Variants in SCFD2 observed in about 807,000 individuals in gnomAD.
The protein encoded by SCFD2 is sec1 family domain containing 2.
A neutral mutation model predicts 58.9 loss-of-function variants in SCFD2; 54 were observed. The ratio of observed to expected loss-of-function variants is 0.92; its 90% CI spans 0.74 to 1.15. SCFD2 has a LOEUF of 1.15. Ranked by LOEUF, SCFD2 falls within the 50% of genes most tolerant of loss-of-function variation. SCFD2 has a pLI of 0.00. For missense variants in SCFD2, 805 were observed against 836.6 expected (o/e 0.96, Z 0.47); for synonymous variants, 321 against 335.9 (o/e 0.96, Z 0.49).
chr4:53,209,932 A>C (rs1728556085), intron 4 of SCFD2, among the ~76,000 whole-genome samples: 2 of 152,148 alleles, frequency 1.3e-5, no homozygotes, highest in South Asian at 4.1e-4. Context: ...TACACATTGT[A>C]AGTTAAAAAA....
At chr4:53,196,842 C>T (rs1728073718) in intron 4 of SCFD2, among the ~76,000 whole-genome samples, 1 of 151,232 alleles carries the variant, frequency 6.6e-6, no homozygotes, top group Non-Finnish European at 1.5e-5. Flanking sequence ...TTACTCAATG[C>T]AAAAGAATAC....
At chr4:52,932,570 G>A (rs1170982237) in intron 5 of SCFD2, among the ~76,000 whole-genome samples, 1 of 152,170 alleles carries the variant, frequency 6.6e-6, no homozygotes, top group Non-Finnish European at 1.5e-5. Flanking sequence ...GGAAGGCAAG[G>A]TGGTTAATAA....
At position 52,901,263 on chromosome 4, in the gene SCFD2, T is replaced by C. The variant is rs577879022; in HGVS notation, c.1842+6194A>G. Among the ~76,000 whole-genome samples, 4 of 152,294 alleles carry C rather than the reference T, an allele frequency of 2.6e-5. No individual in the cohort carries two copies. In the South Asian group the frequency reaches 8.3e-4, roughly 32 times the overall value. On this transcript the variant is annotated intron_variant, in intron 7 of 8. Coordinates refer to ENST00000401642, the MANE Select transcript of SCFD2 (RefSeq NM_152540.4). ...GCTGGGAGCTGTAGACTGGAGCTGT[T>C]CCTATTTGGCCATCTTGGCTCCACC...
intron 2 of SCFD2, among the ~76,000 whole-genome samples, chr4:53,351,945 TTACA>T (rs1734232456): frequency 6.6e-6 from 1 of 152,194 alleles, no homozygotes. Context: ...ACAGATACAC[TTACA>T]TACTTTTTTC....
chr4:53,016,552 A>C (rs940750222), intron 5 of SCFD2, among the ~76,000 whole-genome samples: 1 of 152,220 alleles, frequency 6.6e-6, no homozygotes, highest in Non-Finnish European at 1.5e-5. Context: ...CCAATGCTTC[A>C]AGATTCTTCT....
intron 8 of SCFD2, among the ~76,000 whole-genome samples, chr4:52,877,424 T>G (rs1718499458): frequency 6.6e-6 from 1 of 152,004 alleles, no homozygotes; most frequent in Non-Finnish European, 1.5e-5. Flanking sequence ...AGTACAGTGG[T>G]TAAGAGCACA....
chr4:53,090,786 A>T (rs1724445946), intron 5 of SCFD2, among the ~76,000 whole-genome samples: 1 of 152,200 alleles, frequency 6.6e-6, no homozygotes, highest in South Asian at 2.1e-4. Flanking sequence ...GGAGCACTGA[A>T]GTGTGCCAAG....
intron 3 of SCFD2, among the ~76,000 whole-genome samples, chr4:53,285,080 G>A (rs574691311): frequency 1.8e-4 from 28 of 152,132 alleles, no homozygotes; most frequent in Non-Finnish European, 3.4e-4. Context: ...CTATTTCAAG[G>A]CTACCATGGA....
chr4:53,149,902 T>C (rs73143445), intron 4 of SCFD2, among the ~76,000 whole-genome samples: 4,145 of 152,216 alleles, frequency 0.027, 187 homozygotes, highest in African/African-American at 0.095. Flanking sequence ...CCAAAATCTA[T>C]CACACGCCAG....
intron 5 of SCFD2, among the ~76,000 whole-genome samples, chr4:53,003,195 G>A (rs149673554): frequency 2.6e-5 from 4 of 152,118 alleles, no homozygotes; most frequent in East Asian, 1.9e-4. Flanking sequence ...CCTTCCTTTC[G>A]TCCTTCTTTT....
At chr4:53,203,520 C>T (rs1406028156) in intron 4 of SCFD2, among the ~76,000 whole-genome samples, 4 of 151,102 alleles carry the variant, frequency 2.6e-5, no homozygotes, top group African/African-American at 9.7e-5. Flanking sequence ...AAAAGAAAAA[C>T]AAAAAAAAGT....
chr4:53,076,795 T>C (rs1354180132), intron 5 of SCFD2, among the ~76,000 whole-genome samples: 2 of 152,332 alleles, frequency 1.3e-5, no homozygotes, highest in East Asian at 1.9e-4. Flanking sequence ...CACACTTGCA[T>C]TTATCCAACA....
chr4:53,323,379 T>C (rs938945098), intron 2 of SCFD2, among the ~76,000 whole-genome samples: 11 of 152,170 alleles, frequency 7.2e-5, no homozygotes, highest in Admixed American at 5.2e-4. Flanking sequence ...TTCTTTTTTG[T>C]TGTTGTTTTT....
chr4:53,265,481 G>A (rs915992824), intron 4 of SCFD2: 10 of 151,972 alleles, frequency 6.6e-5, no homozygotes, highest in African/African-American at 1.9e-4. Flanking sequence ...AATGCTTCAC[G>A]AATTTGCATG....
chr4:53,070,474 A>G (rs1723783793), intron 5 of SCFD2, among the ~76,000 whole-genome samples: 1 of 152,122 alleles, frequency 6.6e-6, no homozygotes, highest in Admixed American at 6.6e-5. Context: ...AAAATGATGA[A>G]GGAAAAGGGT....
At chr4:52,956,140 A>G (rs301093) in intron 5 of SCFD2, 142,952 of 456,460 alleles carry the variant, frequency 0.31, 23,664 homozygotes, top group South Asian at 0.43. Flanking sequence ...CCAGAGCTCT[A>G]AATCTGGAAG....
intron 4 of SCFD2, among the ~76,000 whole-genome samples, chr4:53,210,443 G>T (rs1027964384): frequency 5.3e-5 from 8 of 151,972 alleles, no homozygotes; most frequent in Non-Finnish European, 1.2e-4. Flanking sequence ...ATTCTCTCAG[G>T]AGCATAGAGT....
At chr4:53,087,089 T>C (rs1724327592) in intron 5 of SCFD2, among the ~76,000 whole-genome samples, 1 of 152,190 alleles carries the variant, frequency 6.6e-6, no homozygotes, top group African/African-American at 2.4e-5. Context: ...TTTCCCATGA[T>C]GTGATTATTG....
At chr4:53,357,572 T>C (rs1026736815) in intron 1 of SCFD2, among the ~76,000 whole-genome samples, 3 of 152,148 alleles carry the variant, frequency 2.0e-5, no homozygotes, top group Non-Finnish European at 2.9e-5. Flanking sequence ...AGCCAGGATG[T>C]GAGGTTATCC....
Sources: gnomAD v4.1 joint callset for allele counts (sites outside exome capture counted in the v4.1 genomes callset) on GRCh38, gnomAD v4.1.1 for gene constraint, MANE v1.5 for transcripts, NCBI Gene and HGNC (gene_info 2026-07-23, HGNC 2026-07-21) for gene names.